Variants in SHF observed in about 807,000 individuals in gnomAD.
The protein encoded by SHF is SH2 domain-containing adapter protein F.
SHF carries 30 observed loss-of-function variants against 42.4 expected under a neutral mutation model. The ratio of observed to expected loss-of-function variants is 0.71; its 90% CI spans 0.53 to 0.96. The LOEUF (loss-of-function observed/expected upper bound fraction) is 0.96. Ranked by LOEUF, SHF falls within the 40% of genes least tolerant of loss-of-function variation. The probability of loss-of-function intolerance (pLI) is 0.00; values close to 1 mark genes in which losing one functional copy is unlikely to be tolerated. For missense variants in SHF, 598 were observed against 634.0 expected (o/e 0.94, Z 0.61); for synonymous variants, 264 against 269.9 (o/e 0.98, Z 0.21).
chr15:45,197,545 T>C lies in SHF; in HGVS notation c.303+1227A>G, dbSNP rs571097950. 1.1e-4 allele frequency among the ~76,000 whole-genome samples: 17 copies of C among 152,328 alleles called. No individual in the cohort carries two copies. In the South Asian group the frequency reaches 1.7e-3, roughly 15 times the overall value. On this transcript the variant is annotated intron_variant, in intron 2 of 7. Transcript: ENST00000290894. ...CCAAATTCAAGATGCTTCCCTGCCC[T>C]TCCCACCTGAAATCAAAATAGGGCT...
At chr15:45,174,371 G>T in intron 3 of SHF, 1 of 155,416 alleles carries the variant, frequency 6.4e-6, no homozygotes, top group Non-Finnish European at 1.4e-5. Flanking sequence ...GAGACTTCTG[G>T]AGATAAACGG....
chr15:45,180,112 A>T (rs1898048577), intron 1 of SHF, among the ~76,000 whole-genome samples: 1 of 152,166 alleles, frequency 6.6e-6, no homozygotes, highest in African/African-American at 2.4e-5. Flanking sequence ...ACCATCTCAG[A>T]TCATCCAATT....
intron 3 of SHF, 122 bp downstream of exon 3, chr15:45,175,097 C>T: frequency 9.1e-7 from 1 of 1,102,170 alleles, no homozygotes. Context: ...AACTCAACTA[C>T]ATTTCCCTGG....
chr15:45,192,300 C>A (rs977102792), upstream of SHF, among the ~76,000 whole-genome samples: 2 of 146,802 alleles, frequency 1.4e-5, no homozygotes, highest in South Asian at 2.1e-4. Context: ...CAGGCAGCCT[C>A]CTGAGCCAGA....
At chr15:45,188,242 GT>G (rs1898581071), upstream of SHF, among the ~76,000 whole-genome samples, 1 of 152,190 alleles carries the variant, frequency 6.6e-6, no homozygotes. Context: ...GCGGTCCCCT[GT>G]GGGGAGCGCA....
intron 2 of SHF, among the ~76,000 whole-genome samples, chr15:45,197,844 AAG>A (rs1567043180): frequency 2.5e-5 from 3 of 122,218 alleles, no homozygotes; most frequent in African/African-American, 8.3e-5. Flanking sequence ...AAAAAAAAAA[AAG>A]AGAGCGGGCA....
intron 1 of SHF, among the ~76,000 whole-genome samples, chr15:45,185,832 G>C (rs573109213): frequency 2.6e-5 from 4 of 152,370 alleles, no homozygotes; most frequent in African/African-American, 9.6e-5. Context: ...ACGCCACCCT[G>C]ATAATGGACA....
chr15:45,178,887 A>G (rs1897974302), intron 1 of SHF, among the ~76,000 whole-genome samples: 1 of 152,244 alleles, frequency 6.6e-6, no homozygotes, highest in South Asian at 2.1e-4. Flanking sequence ...CTCCTAGGCT[A>G]AATGGCCAGG....
upstream of SHF, chr15:45,188,092 A>T (rs1044660677): frequency 3.1e-6 from 1 of 326,710 alleles, no homozygotes; most frequent in Non-Finnish European, 5.2e-6. Context: ...CCGCTCCCTA[A>T]CAGGGTCTTC....
chr15:45,199,030 G>A lies in SHF; in HGVS notation c.45C>T (p.Thr15=), dbSNP rs1286084433. The change falls in exon 2 of 8, where the codon ACC becomes ACT. Residue 15 remains threonine, a synonymous_variant. Coordinates refer to the SHF transcript ENST00000290894. ...CTTGCCGCGAACCCTCCAGGGTTCCGGTCCTACAGGGGGCGCTCCTCACGG... is the reference window on the plus strand; with the variant it reads ...CTTGCCGCGAACCCTCCAGGGTTCCAGTCCTACAGGGGGCGCTCCTCACGG... 1.1e-5 allele frequency: 17 copies of A among 1,605,270 alleles called. No individual in the cohort carries two copies. In the Admixed American group the frequency reaches 2.7e-4, roughly 26 times the overall value.
chr15:45,181,623 C>T (rs1057513802), intron 1 of SHF, among the ~76,000 whole-genome samples: 8 of 152,214 alleles, frequency 5.3e-5, no homozygotes, highest in East Asian at 1.9e-4. Context: ...GCTCAACAGG[C>T]GTCCTCTCCA....
upstream of SHF, among the ~76,000 whole-genome samples, chr15:45,190,545 C>T (rs534792017): frequency 1.3e-5 from 2 of 152,264 alleles, no homozygotes; most frequent in Admixed American, 1.3e-4. Flanking sequence ...CTGTAAAATG[C>T]TTACAGTGGA....
intron 6 of SHF, chr15:45,171,126 G>A (rs184396651): frequency 3.9e-5 from 6 of 153,500 alleles, no homozygotes; most frequent in African/African-American, 1.4e-4. Context: ...GATGGTGGGG[G>A]GCAAATGAAC....
At chr15:45,199,083 G>C in exon 2 of SHF, 2 of 1,565,256 alleles carry the variant, frequency 1.3e-6, no homozygotes, top group Non-Finnish European at 1.7e-6. Context: ...ATCCTCCAGC[G>C]GTGACCCAAT....
At chr15:45,178,336 T>G (rs1897937315) in intron 1 of SHF, 30 bp from the exon 2 acceptor site, 1 of 1,603,022 alleles carries the variant, frequency 6.2e-7, no homozygotes, top group Admixed American at 1.7e-5. Flanking sequence ...AGAGTGGGCT[T>G]CAGGGAGCAG....
chr15:45,175,319 C>T lies in SHF; in HGVS notation c.747G>A (p.Trp249Ter). Residue 249 changes from tryptophan to a stop codon, truncating the protein, a stop_gained, in exon 3 of 7, where the codon TGG (tryptophan) becomes TGA (stop). Coordinates refer to ENST00000690270, the MANE Select transcript of SHF (RefSeq NM_001394037.1). LOFTEE classifies it high-confidence loss of function. Reference sequence around the variant, plus strand: ...CCTCTGGCAGGCGGGACTCCCGGGGCCAGGGGGCCCCCTCACCTTCCGCGG... The same window carrying T: ...CCTCTGGCAGGCGGGACTCCCGGGGTCAGGGGGCCCCCTCACCTTCCGCGG... ...GATAEGEGAP[W>*]PRESRLPEDD... 2 of 1,606,480 alleles carry T rather than the reference C, an allele frequency of 1.2e-6. No individual in the cohort carries two copies. The highest frequency in any genetic ancestry group is 1.7e-6 in the Non-Finnish European group (2 of 1,176,338).
chr15:45,198,781 T>A, exon 2 of SHF: 1 of 1,611,410 alleles, frequency 6.2e-7, no homozygotes, highest in South Asian at 1.1e-5. Context: ...CGGGGCGAGG[T>A]TCCAGCCTGT....
chr15:45,175,766 C>T (rs1158319015), intron 2 of SHF, among the ~76,000 whole-genome samples: 2 of 152,176 alleles, frequency 1.3e-5, no homozygotes, highest in Admixed American at 1.3e-4. Context: ...ATGCCAAGCT[C>T]CATTTGTTTC....
Position 45,175,255 on chromosome 15 carries a change from C to T in SHF, c.811G>A (p.Glu271Lys), listed in dbSNP as rs2037581098. Residue 271 changes from glutamate to lysine, a missense_variant, in exon 3 of 7, where the codon GAG (glutamate) becomes AAG (lysine). Transcript: ENST00000690270. ...TTGGAAATCCGCTCCTTCTTCCACTCCCAGGGCTGGTCATACTCCTCAGGG... is the reference window on the plus strand; with the variant it reads ...TTGGAAATCCGCTCCTTCTTCCACTTCCAGGGCTGGTCATACTCCTCAGGG... The part of the protein sequence containing the change: ...RPPEEYDQPW[E>K]WKKERISKAF... 8 of 1,611,892 alleles carry T rather than the reference C, an allele frequency of 5.0e-6. No homozygotes were observed. Among genetic ancestry groups the T allele is most frequent in the African/African-American group, 1.3e-5 (1 of 74,862 alleles).
Sources: gnomAD v4.1 joint callset for allele counts (sites outside exome capture counted in the v4.1 genomes callset) on GRCh38, gnomAD v4.1.1 for gene constraint, MANE v1.5 for transcripts, NCBI Gene and HGNC (gene_info 2026-07-23, HGNC 2026-07-21) for gene names.